Variants in CEMIP2 observed in about 807,000 individuals in gnomAD.
The protein encoded by CEMIP2 is cell surface hyaluronidase CEMIP2.
CEMIP2 carries 79 observed loss-of-function variants against 146.9 expected under a neutral mutation model. The ratio of observed to expected loss-of-function variants is 0.54; its 90% CI spans 0.45 to 0.65. The LOEUF (loss-of-function observed/expected upper bound fraction) is 0.65. Among genes scored for constraint, CEMIP2 ranks in the 30% least tolerant of loss-of-function variants. The pLI, the probability that CEMIP2 is intolerant of heterozygous loss-of-function variation, is 0.00. For missense variants in CEMIP2, 1,596 were observed against 1,696.2 expected, an observed-to-expected ratio of 0.94 and a Z score of 1.04; for synonymous variants, 601 against 606.3, an observed-to-expected ratio of 0.99 and a Z score of 0.13.
rs528442205 is a variant in CEMIP2, at chr9:71,717,965, A to C, written c.2382T>G (p.Ile794Met). The stretch of plus-strand genomic sequence containing the variant: ...ATACCCACGCTGAATTTTGAACGAT[A>C]ATATCTCCTCCTCTGACCCAAGCTC... ...DNGAWVRGGD[I>M]IVQNSAFADN... is the part of the protein sequence containing the mutation. The change falls in exon 13 of 24, where the codon ATT becomes ATG. Residue 794 changes from isoleucine to methionine, a missense_variant. Transcript: ENST00000377044. 5.0e-6 allele frequency: 8 copies of C among 1,608,514 alleles called. No individual in the cohort carries two copies. The highest frequency in any genetic ancestry group is 6.8e-6 in the Non-Finnish European group (8 of 1,177,428).
chr9:71,760,380 A>G (rs1260816711), intron 1 of CEMIP2, among the ~76,000 whole-genome samples: 1 of 152,236 alleles, frequency 6.6e-6, no homozygotes, highest in Admixed American at 6.5e-5. Context: ...ATAATGTTTA[A>G]TGCCAAAAGT....
At chr9:71,735,479 C>T (rs1823736745) in intron 5 of CEMIP2, among the ~76,000 whole-genome samples, 1 of 152,098 alleles carries the variant, frequency 6.6e-6, no homozygotes, top group Non-Finnish European at 1.5e-5. Flanking sequence ...CACTAACAAT[C>T]TTAATATTAA....
intron 5 of CEMIP2, among the ~76,000 whole-genome samples, chr9:71,739,500 C>A (rs1823856230): frequency 6.6e-6 from 1 of 151,064 alleles, no homozygotes; most frequent in Non-Finnish European, 1.5e-5. Context: ...TGCTTTTTGG[C>A]AGAGGCAAAG....
chr9:71,709,571 T>C, intron 16 of CEMIP2, 97 bp from the exon 17 acceptor site: 1 of 1,025,040 alleles, frequency 9.8e-7, no homozygotes, highest in Non-Finnish European at 1.5e-6. Flanking sequence ...TGTGATTGCT[T>C]TAAGGTTAGA....
At chr9:71,736,768 T>C (rs1823771974) in intron 5 of CEMIP2, among the ~76,000 whole-genome samples, 1 of 152,220 alleles carries the variant, frequency 6.6e-6, no homozygotes, top group Admixed American at 6.5e-5. Context: ...TGAGAACTAC[T>C]TCATAACACT....
rs1214595457 is a variant in CEMIP2, at chr9:71,698,007, C to A, written c.3575G>T (p.Cys1192Phe). The A allele has an allele frequency of 1.9e-6, 3 of 1,614,140 alleles. No homozygotes were observed. The highest frequency in any genetic ancestry group is 4.5e-5 in the East Asian group (2 of 44,888). Residue 1192 changes from cysteine (C) to phenylalanine (F), a missense_variant, in exon 20 of 24, where the codon TGT becomes TTT. Physicochemically the swap from Cys to Phe is radical, Grantham distance 205. Transcript: ENST00000377044. ...KRMPAMLTGL[C>F]QGCGTRQVVF... ...TACCTGCCGAGTGCCACAGCCTTGA[C>A]AGAGTCCAGTGAGCATGGCCGGCAT...
intron 10 of CEMIP2, among the ~76,000 whole-genome samples, chr9:71,728,239 ATATATATATATG>A (rs1823461259): frequency 1.0e-4 from 3 of 30,060 alleles, no homozygotes; most frequent in Non-Finnish European, 2.7e-4. Flanking sequence ...CTCTATATAT[ATATATATATATG>A]TATATACACG....
intron 13 of CEMIP2, 113 bp downstream of exon 13, chr9:71,717,835 T>C (rs1663674879): frequency 9.6e-7 from 1 of 1,037,652 alleles, no homozygotes; most frequent in East Asian, 2.6e-5. Flanking sequence ...GTCTTAATAA[T>C]AATAATATGA....
chr9:71,703,529 AAG>A (rs1349700296), intron 18 of CEMIP2, among the ~76,000 whole-genome samples: 1 of 152,174 alleles, frequency 6.6e-6, no homozygotes, highest in African/African-American at 2.4e-5. Context: ...TGGATGTTTT[AAG>A]AGTGTTCTGA....
At chr9:71,694,360 T>C (rs894390660) in intron 21 of CEMIP2, 149 bp downstream of exon 21, 4 of 580,212 alleles carry the variant, frequency 6.9e-6, no homozygotes, top group Non-Finnish European at 1.3e-5. Flanking sequence ...TCTAACCTTA[T>C]GATCTGCCCA....
intron 1 of CEMIP2, among the ~76,000 whole-genome samples, chr9:71,751,571 G>A (rs1366471235): frequency 6.6e-6 from 1 of 152,150 alleles, no homozygotes; most frequent in Non-Finnish European, 1.5e-5. Flanking sequence ...CTGTGCCTAA[G>A]AATCATCAGA....
At chr9:71,753,710 G>A (rs1824327243) in intron 1 of CEMIP2, among the ~76,000 whole-genome samples, 1 of 151,956 alleles carries the variant, frequency 6.6e-6, no homozygotes, top group Admixed American at 6.5e-5. Flanking sequence ...AAAAATATAA[G>A]ATACATTGCT....
In CEMIP2 at chr9:71,714,968, T is replaced by C. The variant is rs775920937; in HGVS notation, c.2557A>G (p.Ile853Val). The change falls in exon 15 of 24, where the codon ATA (isoleucine) becomes GTA (valine). Residue 853 changes from isoleucine (I) to valine (V), a missense_variant. Physicochemically the swap from Ile to Val is conservative, Grantham distance 29 (BLOSUM62 3). Coordinates refer to ENST00000377044, the MANE Select transcript of CEMIP2 (RefSeq NM_013390.3). Reference protein sequence around the residue: ...GQNKYVGTGGIDQKPRTLPRN... With the variant: ...GQNKYVGTGGVDQKPRTLPRN... Reference sequence around the variant, plus strand: ...GGTAATGTTCGAGGCTTCTGGTCTATTCCTCCAGTGCCTACATACTTGTTC... The same window carrying C: ...GGTAATGTTCGAGGCTTCTGGTCTACTCCTCCAGTGCCTACATACTTGTTC... The C allele has an allele frequency of 3.1e-6, 5 of 1,613,998 alleles. No homozygotes were observed. The highest frequency in any genetic ancestry group is 4.2e-6 in the Non-Finnish European group (5 of 1,179,926).
intron 22 of CEMIP2, chr9:71,686,810 C>T (rs1822075204): frequency 6.6e-6 from 1 of 152,200 alleles, no homozygotes; most frequent in Admixed American, 6.5e-5. Context: ...ATCCACCCCT[C>T]ACCCTTCCTT....
chr9:71,734,453 TG>T (rs1465582030), intron 6 of CEMIP2, among the ~76,000 whole-genome samples: 3 of 152,208 alleles, frequency 2.0e-5, no homozygotes, highest in Admixed American at 1.3e-4. Flanking sequence ...CAAACCACCA[TG>T]GCACACGTTT....
chr9:71,760,016 C>CT (rs1824583075), intron 1 of CEMIP2, among the ~76,000 whole-genome samples: 1 of 124,870 alleles, frequency 8.0e-6, no homozygotes, highest in African/African-American at 3.1e-5. Flanking sequence ...ACTAAATTTA[C>CT]TTAAAAAAAA....
intron 15 of CEMIP2, 21 bp downstream of exon 15, chr9:71,714,913 C>A: frequency 6.2e-7 from 1 of 1,606,484 alleles, no homozygotes; most frequent in Non-Finnish European, 8.5e-7. Context: ...TTTAACACTC[C>A]ACAGCTAAAG....
intron 4 of CEMIP2, among the ~76,000 whole-genome samples, chr9:71,744,044 C>A (rs1824001955): frequency 6.6e-6 from 1 of 152,158 alleles, no homozygotes; most frequent in Non-Finnish European, 1.5e-5. Context: ...TTCCCCTAGA[C>A]TCAGAACTGC....
intron 21 of CEMIP2, among the ~76,000 whole-genome samples, chr9:71,694,268 A>T (rs12350285): frequency 2.7e-4 from 41 of 151,362 alleles, no homozygotes; most frequent in African/African-American, 9.7e-4. Context: ...GACTACAGGC[A>T]CCCACCCGCC....
Sources: allele counts gnomAD v4.1 joint callset (sites outside exome capture counted in the v4.1 genomes callset), GRCh38; gene constraint gnomAD v4.1.1; transcripts MANE v1.5; gene names NCBI Gene and HGNC (gene_info 2026-07-23, HGNC 2026-07-21).